Variants in EXTL1 observed in about 807,000 individuals in gnomAD.
EXTL1 encodes the protein exostosin-like 1.
In EXTL1, 43 loss-of-function variants were observed where a neutral mutation model predicts 64.6. The observed-to-expected ratio is 0.67, with a 90% CI of 0.52 to 0.86. The LOEUF is 0.86. Among genes scored for constraint, EXTL1 ranks in the 40% least tolerant of loss-of-function variants. The probability of loss-of-function intolerance (pLI) is 0.00; values close to 1 mark genes in which losing one functional copy is unlikely to be tolerated. For missense variants in EXTL1, 766 were observed against 879.0 expected (o/e 0.87, Z 1.62); for synonymous variants, 352 against 360.5 (o/e 0.98, Z 0.27).
rs201803912 is a variant in EXTL1 at position 26,033,890 on chromosome 1, A to G, written c.1679+34A>G. 7.0e-6 allele frequency: 11 copies of G among 1,580,040 alleles called. No individual in the cohort carries two copies. Among genetic ancestry groups the G allele is most frequent in the African/African-American group, 4.1e-5 (3 of 73,734 alleles). ...CCCTACCCTGCACAGGGATCAGAGTATCAGAGGACCAGAGACCCCACCCCC... is the reference window on the plus strand; with the variant it reads ...CCCTACCCTGCACAGGGATCAGAGTGTCAGAGGACCAGAGACCCCACCCCC... On this transcript the variant is annotated intron_variant, in intron 9 of 10. Transcript: ENST00000374280. This position sits in a 1 kb window ranked among gnomAD's most constrained non-coding sequence, Gnocchi z 5.1.
intron 1 of EXTL1, among the ~76,000 whole-genome samples, chr1:26,026,724 C>G (rs555190443): frequency 6.6e-6 from 1 of 152,278 alleles, no homozygotes; most frequent in Admixed American, 6.5e-5. Context: ...ACAATGCAGC[C>G]CTACCTATGG....
chr1:26,030,698 T>G, intron 4 of EXTL1, 103 bp downstream of exon 4: 2 of 1,197,608 alleles, frequency 1.7e-6, no homozygotes, highest in Non-Finnish European at 2.3e-6. Context: ...CCCCCCCCCC[T>G]TCCTTGAAGA....
rs1164694968 is a variant in EXTL1 at position 26,029,859 on chromosome 1, G to A, written c.981+152G>A. ...CCTAGCACCAAGTCTCCCCTCTGGG[G>A]CTCCCAGAGGATCTGATGGAGCTAG... On this transcript the variant is annotated intron_variant, in intron 3 of 10. Coordinates refer to ENST00000374280, the MANE Select transcript of EXTL1 (RefSeq NM_004455.3). 5 of 614,304 alleles carry A rather than the reference G, an allele frequency of 8.1e-6. No homozygotes were observed. In the Admixed American group the frequency reaches 1.2e-4, roughly 14 times the overall value. 38.1% of individuals were successfully genotyped at this position (614,304 alleles called of 1,614,324 possible). A position where few individuals can be genotyped will look rare whatever the true frequency, so the allele number is the denominator to read the frequency against.
intron 3 of EXTL1, 48 bp from the exon 4 acceptor site, chr1:26,030,428 G>A: frequency 3.8e-6 from 6 of 1,579,634 alleles, no homozygotes; most frequent in Non-Finnish European, 5.2e-6. Context: ...GACCTCCTGG[G>A]CTCAAAATTG....
chr1:26,032,847 A>C lies in EXTL1; in HGVS notation c.1431+362A>C, dbSNP rs146247809. ...TTGGTGTGAACCACCTGCCTGCCGC[A>C]TGGTTGTGGGCAAGTCCCTTCGTCT... On this transcript the variant is annotated intron_variant, in intron 7 of 10. Transcript: ENST00000374280. Among the ~76,000 whole-genome samples the C allele has an allele frequency of 9.2e-5, 14 of 152,284 alleles. No individual in the cohort carries two copies. The East Asian group carries it at 2.7e-3, about 29-fold the overall frequency.
rs756072310 is a variant in EXTL1, at chr1:26,033,368, G to A, written c.1518+53G>A. 17 of 1,478,366 alleles carry A rather than the reference G, an allele frequency of 1.1e-5. No individual in the cohort carries two copies. The highest frequency in any genetic ancestry group is 1.6e-5 in the Non-Finnish European group (17 of 1,057,338). 91.6% of individuals were successfully genotyped at this position (1,478,366 alleles called of 1,614,324 possible). On this transcript the variant is annotated intron_variant, in intron 8 of 10. Coordinates refer to ENST00000374280, the MANE Select transcript of EXTL1 (RefSeq NM_004455.3). This position sits in a 1 kb window ranked among gnomAD's most constrained non-coding sequence, Gnocchi z 5.1. ...GTGTGGGTAGACACAGAGCCAGAGG[G>A]CCCTGGCAGCCCCTCAGGTTCCCAG...
chr1:26,033,410 G>C lies in EXTL1; in HGVS notation c.1518+95G>C. On this transcript the variant is annotated intron_variant, in intron 8 of 10. Transcript: ENST00000374280. The surrounding 1 kb of genome is among the most constrained non-coding windows in gnomAD (Gnocchi z 5.1). ...GGTTCCCAGGGTTGAGGGGACCCCAGGTCATGAGGTCCAGCCTCTTGCATT... is the reference window on the plus strand; with the variant it reads ...GGTTCCCAGGGTTGAGGGGACCCCACGTCATGAGGTCCAGCCTCTTGCATT... 9.5e-7 allele frequency: 1 copy of C among 1,055,524 alleles called. No individual in the cohort carries two copies. Among genetic ancestry groups the C allele is most frequent in the Non-Finnish European group, 1.5e-6 (1 of 681,796 alleles). The allele number at this position is 1,055,524 out of a possible 1,614,324, so 65.4% of individuals were successfully genotyped here.
In EXTL1 at chr1:26,036,217, G is replaced by C. The variant is rs1459199630; in HGVS notation, c.*870G>C. 1 of 152,728 alleles carries C rather than the reference G, an allele frequency of 6.5e-6. No individual in the cohort carries two copies. The highest frequency in any genetic ancestry group is 6.5e-5 in the Admixed American group (1 of 15,282). The allele number at this position is 152,728 out of a possible 1,614,324, so 9.5% of individuals were successfully genotyped here. The stretch of plus-strand genomic sequence containing the variant: ...GGAGGGTGAGCGCTGTGGGCAGCTC[G>C]GGGGCTGAAAGCTGGGAAGAGAAAT... On this transcript the variant is annotated 3_prime_UTR_variant, in exon 11 of 11. Coordinates refer to ENST00000374280, the MANE Select transcript of EXTL1 (RefSeq NM_004455.3). This position sits in a 1 kb window ranked among gnomAD's most constrained non-coding sequence, Gnocchi z 5.2.
chr1:26,027,886 AG>A (rs1253434689), intron 1 of EXTL1, among the ~76,000 whole-genome samples: 1 of 152,130 alleles, frequency 6.6e-6, no homozygotes, highest in Non-Finnish European at 1.5e-5. Flanking sequence ...CAGGCTGACA[AG>A]GCAGGGAGGG....
chr1:26,027,052 G>A (rs1391782613), intron 1 of EXTL1, among the ~76,000 whole-genome samples: 1 of 152,152 alleles, frequency 6.6e-6, no homozygotes, highest in African/African-American at 2.4e-5. Flanking sequence ...CTGGTCTCTT[G>A]GTCCCAGATC....
intron 1 of EXTL1, among the ~76,000 whole-genome samples, chr1:26,027,452 G>A (rs1236976483): frequency 1.3e-5 from 2 of 152,096 alleles, no homozygotes; most frequent in Admixed American, 1.3e-4. Flanking sequence ...AGGTTAGCTT[G>A]GATCATTACT....
chr1:26,027,691 A>AAAAAAAAAAAAAAAAAAAAAG (rs2050232694), intron 1 of EXTL1, among the ~76,000 whole-genome samples: 1 of 144,190 alleles, frequency 6.9e-6, no homozygotes, highest in Admixed American at 7.1e-5. Flanking sequence ...CCCATCTCTA[A>AAAAAAAAAAAAAAAAAAAAAG]AAAAAAAAAA....
rs1414910931 is a variant in EXTL1 at position 26,032,216 on chromosome 1, CCAGAGGCAAGGA to C, written c.1342-174_1342-163del. 3.8e-4 allele frequency: 210 copies of C among 558,714 alleles called. 4 individuals carry two copies. The highest frequency in any genetic ancestry group is 3.7e-3 in the South Asian group (158 of 43,058). The allele number at this position is 558,714 out of a possible 1,614,324, so 34.6% of individuals were successfully genotyped here. On this transcript the variant is annotated intron_variant, in intron 6 of 10. Transcript: ENST00000374280. ...ACCAGAATCCCTGCCTTCTACAAGCCCAGAGGCAAGGACAGAGCAGCGGTGAAAGGACCATGG... is the reference window on the plus strand; with the variant it reads ...ACCAGAATCCCTGCCTTCTACAAGCCCAGAGCAGCGGTGAAAGGACCATGG...
chr1:26,031,490 TGATC>T lies in EXTL1; in HGVS notation c.1266_1269del (p.Ile423GlyfsTer10), dbSNP rs2050285919. 1.9e-6 allele frequency: 3 copies of T among 1,596,100 alleles called. No individual in the cohort carries two copies. Among genetic ancestry groups the T allele is most frequent in the Non-Finnish European group, 8.5e-7 (1 of 1,171,242 alleles). The stretch of plus-strand genomic sequence containing the variant: ...CGCCCTGAGGGCAGATTCAGCGCCC[TGATC>T]TGGGTGGGGCCCCCAGGCCAGCCCC... On this transcript the variant is annotated frameshift_variant, in exon 6 of 11. Transcript: ENST00000374280. LOFTEE classifies it high-confidence loss of function.
In EXTL1 at chr1:26,034,705, C is replaced by A. The variant is rs2050320381; in HGVS notation, c.1680-131C>A. ...GAGCTGTTCACGCCAGGGATGGGAG[C>A]TCTCTGAGGCAGCCAGGGCTCAGAG... On this transcript the variant is annotated intron_variant, in intron 9 of 10. Coordinates refer to ENST00000374280, the MANE Select transcript of EXTL1 (RefSeq NM_004455.3). The surrounding 1 kb of genome is among the most constrained non-coding windows in gnomAD (Gnocchi z 4.6). The A allele has an allele frequency of 3.5e-6, 3 of 855,354 alleles. No individual in the cohort carries two copies. The highest frequency in any genetic ancestry group is 1.7e-5 in the African/African-American group (1 of 59,086). The allele number at this position is 855,354 out of a possible 1,614,324, so 53.0% of individuals were successfully genotyped here. A position where few individuals can be genotyped will look rare whatever the true frequency, so the allele number is the denominator to read the frequency against.
At position 26,033,496 on chromosome 1, in the gene EXTL1, G is replaced by A. The variant is rs1474959273; in HGVS notation, c.1518+181G>A. Among the ~76,000 whole-genome samples the A allele has an allele frequency of 6.6e-6, 1 of 152,120 alleles. No individual in the cohort carries two copies. The highest frequency in any genetic ancestry group is 2.4e-5 in the African/African-American group (1 of 41,418). ...TAGGAGTCTCGTTGAGGCTTTCCAT[G>A]GACTCTTTTGAGAAATTGTTTTTGT... On this transcript the variant is annotated intron_variant, in intron 8 of 10. Coordinates refer to ENST00000374280, the MANE Select transcript of EXTL1 (RefSeq NM_004455.3). This position sits in a 1 kb window ranked among gnomAD's most constrained non-coding sequence, Gnocchi z 5.1.
At chr1:26,031,368 T>G in intron 5 of EXTL1, 92 bp from the exon 6 acceptor site, 2 of 1,454,622 alleles carry the variant, frequency 1.4e-6, no homozygotes, top group South Asian at 2.5e-5. Context: ...AGCCCTAACA[T>G]TTTTCCTGGC....
At chr1:26,027,345 C>T (rs1168247899) in intron 1 of EXTL1, among the ~76,000 whole-genome samples, 1 of 152,124 alleles carries the variant, frequency 6.6e-6, no homozygotes, top group Non-Finnish European at 1.5e-5. Context: ...CAGTGCATAC[C>T]TCCCCTCCTA....
rs199925883 is a variant in EXTL1 at position 26,035,157 on chromosome 1, C to A, written c.1849-8C>A. ...AGCCCGTTAATGCATTGCTTCTTTC[C>A]CTCTTAGGCGCCTGGGGGCCCGGGG... On this transcript the variant is annotated splice_polypyrimidine_tract_variant and splice_region_variant and intron_variant, in intron 10 of 10. Coordinates refer to ENST00000374280, the MANE Select transcript of EXTL1 (RefSeq NM_004455.3). The surrounding 1 kb of genome is among the most constrained non-coding windows in gnomAD (Gnocchi z 5.3). 2.0e-5 allele frequency: 32 copies of A among 1,597,284 alleles called. No homozygotes were observed. The East Asian group carries it at 6.5e-4, about 33-fold the overall frequency.
Sources: allele counts gnomAD v4.1 joint callset (sites outside exome capture counted in the v4.1 genomes callset), GRCh38; gene constraint gnomAD v4.1.1; non-coding constraint Gnocchi (gnomAD v3.1); transcripts MANE v1.5; gene names NCBI Gene and HGNC (gene_info 2026-07-23, HGNC 2026-07-21).